Variants in NRXN1 observed in about 807,000 individuals in gnomAD.
The protein encoded by NRXN1 is neurexin 1, also known as neurexin-1.
In NRXN1, 39 loss-of-function variants were observed where a neutral mutation model predicts 150.9. The observed-to-expected ratio is 0.26, with a 90% CI of 0.20 to 0.34. The LOEUF (loss-of-function observed/expected upper bound fraction) is 0.34, where lower values mean the gene tolerates loss of function less well. Ranked by LOEUF, NRXN1 falls within the 10% of genes least tolerant of loss-of-function variation. The probability of loss-of-function intolerance (pLI) is 1.00; values close to 1 mark genes in which losing one functional copy is unlikely to be tolerated. For synonymous variants in NRXN1, 924 were observed against 757.0 expected (o/e 1.22, Z -3.62); for missense variants, 1,815 against 1,949.9 (o/e 0.93, Z 1.30).
At chr2:50,017,654 C>A (rs1321632677) in intron 21 of NRXN1, among the ~76,000 whole-genome samples, 1 of 117,390 alleles carries the variant, frequency 8.5e-6, no homozygotes, top group African/African-American at 3.4e-5. Flanking sequence ...TAGAAAAAAA[C>A]ACAGCCTTTT....
At chr2:50,671,930 C>T (rs1464560901) in intron 5 of NRXN1, among the ~76,000 whole-genome samples, 1 of 151,858 alleles carries the variant, frequency 6.6e-6, no homozygotes, top group Non-Finnish European at 1.5e-5. Context: ...AATTACCTTT[C>T]TGTATCTTCT....
At chr2:50,169,467 C>A (rs1208681018) in intron 18 of NRXN1, among the ~76,000 whole-genome samples, 1 of 151,924 alleles carries the variant, frequency 6.6e-6, no homozygotes, top group Non-Finnish European at 1.5e-5. Flanking sequence ...GTAATCCCAG[C>A]ACTTTGGGAG....
At chr2:50,951,968 T>C (rs1159708122) in intron 2 of NRXN1, among the ~76,000 whole-genome samples, 1 of 131,776 alleles carries the variant, frequency 7.6e-6, no homozygotes, top group Non-Finnish European at 1.6e-5. Flanking sequence ...TATATATTTT[T>C]TTTTTTTTTT....
chr2:50,365,097 T>G (rs574009628), intron 17 of NRXN1, among the ~76,000 whole-genome samples: 3 of 152,124 alleles, frequency 2.0e-5, no homozygotes, highest in Admixed American at 1.3e-4. Context: ...GAATTTGAAC[T>G]GATACATGAA....
chr2:51,018,880 T>C (rs768626822), intron 2 of NRXN1, among the ~76,000 whole-genome samples: 2 of 152,072 alleles, frequency 1.3e-5, no homozygotes, highest in African/African-American at 2.4e-5. Flanking sequence ...CTGGTTATGA[T>C]AGAGTAGAAT....
chr2:50,886,401 CTTGT>C lies in NRXN1; in HGVS notation c.832+35464_832+35467del, dbSNP rs965448102. On this transcript the variant is annotated intron_variant, in intron 5 of 22. Transcript: ENST00000401669. Reference sequence around the variant, plus strand: ...GAAAAACACGTGATCCCAATTTTGGCTTGTTTGTTTTATATAATATTGTGGTTTC... The same window carrying C: ...GAAAAACACGTGATCCCAATTTTGGCTTGTTTTATATAATATTGTGGTTTC... Among the ~76,000 whole-genome samples, 8 of 151,286 alleles carry C rather than the reference CTTGT, an allele frequency of 5.3e-5. 1 individual carries two copies. The highest frequency in any genetic ancestry group is 4.6e-4 in the Admixed American group (7 of 15,134).
chr2:50,450,276 C>G (rs942164435), intron 17 of NRXN1, among the ~76,000 whole-genome samples: 1 of 152,116 alleles, frequency 6.6e-6, no homozygotes, highest in Non-Finnish European at 1.5e-5. Context: ...CCTTTCCTCT[C>G]TTCTGAATGC....
At chr2:50,072,156 T>G (rs1325850701) in intron 19 of NRXN1, among the ~76,000 whole-genome samples, 1 of 152,216 alleles carries the variant, frequency 6.6e-6, no homozygotes, top group Non-Finnish European at 1.5e-5. Context: ...GAAAACAAAG[T>G]ATTTTCTACT....
At chr2:50,790,614 C>T (rs1000134658) in intron 5 of NRXN1, among the ~76,000 whole-genome samples, 6 of 152,188 alleles carry the variant, frequency 3.9e-5, no homozygotes, top group Admixed American at 3.3e-4. Flanking sequence ...AACACACCTG[C>T]TTGTCCTTTG....
chr2:50,781,774 T>A (rs543524778), intron 5 of NRXN1, among the ~76,000 whole-genome samples: 1 of 152,248 alleles, frequency 6.6e-6, no homozygotes, highest in East Asian at 1.9e-4. Flanking sequence ...TTATTCAGCA[T>A]ATTAGTTAAT....
chr2:50,834,927 T>C (rs896115186), intron 5 of NRXN1, among the ~76,000 whole-genome samples: 4 of 152,188 alleles, frequency 2.6e-5, no homozygotes, highest in Non-Finnish European at 5.9e-5. Context: ...AGTCAGTGTC[T>C]TCTTAGCCTA....
At chr2:50,097,282 G>A (rs563000764) in intron 18 of NRXN1, among the ~76,000 whole-genome samples, 12 of 152,298 alleles carry the variant, frequency 7.9e-5, no homozygotes, top group South Asian at 4.1e-4. Flanking sequence ...CCCTGTTTAC[G>A]TTCTGTAAAC....
intron 5 of NRXN1, among the ~76,000 whole-genome samples, chr2:50,652,888 G>A (rs1400189673): frequency 1.3e-5 from 2 of 152,062 alleles, no homozygotes; most frequent in East Asian, 3.9e-4. Flanking sequence ...CCTAGCTGGC[G>A]TGAAGTGTTA....
chr2:50,930,266 C>T (rs189428902), intron 2 of NRXN1, among the ~76,000 whole-genome samples: 405 of 152,114 alleles, frequency 2.7e-3, no homozygotes, highest in Admixed American at 3.9e-3. Flanking sequence ...ACAGATGTTC[C>T]TGGCATCACA....
intron 17 of NRXN1, among the ~76,000 whole-genome samples, chr2:50,436,314 G>A (rs1043383679): frequency 9.9e-5 from 15 of 152,072 alleles, no homozygotes; most frequent in Non-Finnish European, 1.5e-4. Flanking sequence ...TTAGCCAGGC[G>A]TGGTGGCACA....
At chr2:50,013,212 A>T (rs528155145) in intron 21 of NRXN1, among the ~76,000 whole-genome samples, 2 of 150,452 alleles carry the variant, frequency 1.3e-5, no homozygotes, top group South Asian at 4.2e-4. Flanking sequence ...GAAGAAGGAG[A>T]TTTGTAAATA....
intron 5 of NRXN1, among the ~76,000 whole-genome samples, chr2:50,800,943 T>C (rs1476641658): frequency 5.3e-5 from 8 of 152,202 alleles, no homozygotes; most frequent in Admixed American, 5.2e-4. Flanking sequence ...TAACATTTTA[T>C]AGTAAACTTT....
At chr2:49,974,886 G>A (rs1289274216) in intron 21 of NRXN1, among the ~76,000 whole-genome samples, 1 of 151,470 alleles carries the variant, frequency 6.6e-6, no homozygotes, top group South Asian at 2.1e-4. Context: ...CCCAAAGCCT[G>A]AAGAACAAAT....
rs1160416862 is a variant in NRXN1, at chr2:50,497,213, C to T, written c.2879+120G>A. 1.3e-5 allele frequency: 8 copies of T among 628,418 alleles called. No individual in the cohort carries two copies. The East Asian group carries it at 2.3e-4, about 18-fold the overall frequency. The allele number at this position is 628,418 out of a possible 1,614,324, so 38.9% of individuals were successfully genotyped here. ...AAACAAATGCCTTCTTATTTGTCCT[C>T]CACCTGCTCCGGCCCACCACCTTAT... On this transcript the variant is annotated intron_variant, in intron 14 of 22. Coordinates refer to ENST00000401669, the MANE Select transcript of NRXN1 (RefSeq NM_001330078.2).
Sources: allele counts gnomAD v4.1 joint callset (sites outside exome capture counted in the v4.1 genomes callset), GRCh38; gene constraint gnomAD v4.1.1; transcripts MANE v1.5; gene names NCBI Gene and HGNC (gene_info 2026-07-23, HGNC 2026-07-21).